Variants in TATDN3 observed in about 807,000 individuals in gnomAD.
TATDN3 encodes the protein TatD DNase domain containing 3, also known as deoxyribonuclease TATDN3.
A neutral mutation model predicts 40.1 loss-of-function variants in TATDN3; 29 were observed. The observed-to-expected ratio is 0.72, with a 90% CI of 0.54 to 0.99. The LOEUF (loss-of-function observed/expected upper bound fraction) is 0.99. TATDN3 is among the 50% of genes least tolerant of loss of function. TATDN3 has a pLI of 0.00. For synonymous variants in TATDN3, 105 were observed against 117.0 expected (o/e 0.90, Z 0.66); for missense variants, 309 against 321.9 (o/e 0.96, Z 0.31).
intron 7 of TATDN3, among the ~76,000 whole-genome samples, chr1:212,805,525 G>T (rs1386261119): frequency 6.6e-6 from 1 of 152,104 alleles, no homozygotes; most frequent in Non-Finnish European, 1.5e-5. Flanking sequence ...CAAAGTGCTG[G>T]GATTACAGGC....
At chr1:212,793,458 C>T (rs1661494589) in intron 1 of TATDN3, among the ~76,000 whole-genome samples, 1 of 152,126 alleles carries the variant, frequency 6.6e-6, no homozygotes, top group Non-Finnish European at 1.5e-5. Flanking sequence ...AAGTGATCAA[C>T]CCTCCTTGGC....
intron 4 of TATDN3, 120 bp downstream of exon 4, chr1:212,797,316 A>T: frequency 1.4e-6 from 1 of 714,100 alleles, no homozygotes; most frequent in Non-Finnish European, 2.3e-6. Flanking sequence ...AGGAAACATT[A>T]CCTTCTTTAA....
chr1:212,796,926 G>T, intron 3 of TATDN3, 186 bp from the exon 4 acceptor site: 1 of 537,500 alleles, frequency 1.9e-6, no homozygotes. Context: ...TGTAGATACA[G>T]GATTTCACCA....
At chr1:212,807,901 A>C (rs1662638097) in intron 8 of TATDN3, 53 bp downstream of exon 8, 1 of 1,253,174 alleles carries the variant, frequency 8.0e-7, no homozygotes, top group South Asian at 1.3e-5. Context: ...AATTTAAAAC[A>C]TGAGCTTTTC....
chr1:212,815,078 A>G lies in TATDN3; in HGVS notation c.747A>G (p.Ser249=), dbSNP rs761842976. The change falls in exon 10 of 10, where the codon TCA becomes TCG. Residue 249 remains serine (S), a synonymous_variant. Coordinates refer to ENST00000366974, the MANE Select transcript of TATDN3 (RefSeq NM_001042552.3). ...ATATTGCCCAGGTGAAAGGGATCTCAGTGGAAGAAGTTATAGAAGTGACGA... is the reference window on the plus strand; with the variant it reads ...ATATTGCCCAGGTGAAAGGGATCTCGGTGGAAGAAGTTATAGAAGTGACGA... ...AEYIAQVKGI[S]VEEVIEVTTQ... 1.9e-6 allele frequency: 3 copies of G among 1,614,140 alleles called. No homozygotes were observed. Among genetic ancestry groups the G allele is most frequent in the South Asian group, 2.2e-5 (2 of 91,080 alleles).
intron 4 of TATDN3, among the ~76,000 whole-genome samples, chr1:212,799,648 G>A (rs183096218): frequency 2.0e-4 from 30 of 151,310 alleles, no homozygotes; most frequent in African/African-American, 4.4e-4. Context: ...AGTGATTCTC[G>A]TGCCTCAGCC....
At position 212,791,946 on chromosome 1, in the gene TATDN3, G is replaced by A; in HGVS notation, c.25G>A (p.Val9Met). ...AATGCGAGCGGCTGGCGTAGGCTTG[G>A]TGGACTGTCACTGCCACCTCTCCGC... The part of the protein sequence containing the change: MRAAGVGL[V>M]DCHCHLSAPD... The change falls in exon 1 of 10, where the codon GTG becomes ATG. Residue 9 changes from valine (V) to methionine (M), a missense_variant. Physicochemically the swap from Val to Met is conservative, Grantham distance 21 (BLOSUM62 1). Coordinates refer to ENST00000366974, the MANE Select transcript of TATDN3 (RefSeq NM_001042552.3). The A allele has an allele frequency of 6.2e-7, 1 of 1,613,882 alleles. No homozygotes were observed. Among genetic ancestry groups the A allele is most frequent in the Non-Finnish European group, 8.5e-7 (1 of 1,179,934 alleles).
At chr1:212,804,451 G>A (rs1342014048) in intron 6 of TATDN3, 22 bp downstream of exon 6, 19 of 1,591,758 alleles carry the variant, frequency 1.2e-5, no homozygotes, top group Non-Finnish European at 1.6e-5. Context: ...ATTTTCCTAT[G>A]TTAATAGCTA....
chr1:212,798,536 C>CAAAA lies in TATDN3; in HGVS notation c.258+1359_258+1362dup, dbSNP rs11296428. Reference sequence around the variant, plus strand: ...ACATGGACGCTATCTCTCAAAAACTCAAAAAAAAAAAAAAAAAAAAAAGAA... The same window carrying CAAAA: ...ACATGGACGCTATCTCTCAAAAACTCAAAAAAAAAAAAAAAAAAAAAAAAAAGAA... On this transcript the variant is annotated intron_variant, in intron 4 of 9. Coordinates refer to ENST00000366974, the MANE Select transcript of TATDN3 (RefSeq NM_001042552.3). Among the ~76,000 whole-genome samples, 790 of 90,478 alleles carry CAAAA rather than the reference C, an allele frequency of 8.7e-3. 1 individual carries two copies. The highest frequency in any genetic ancestry group is 0.017 in the East Asian group (51 of 2,942). The allele number at this position is 90,478 out of a possible 152,430, so 59.4% of individuals were successfully genotyped here.
chr1:212,794,830 T>C, intron 1 of TATDN3: 1 of 594,404 alleles, frequency 1.7e-6, no homozygotes, highest in Non-Finnish European at 3.2e-6. Context: ...CGAATGCTGC[T>C]GAGGAGTAGA....
intron 7 of TATDN3, among the ~76,000 whole-genome samples, chr1:212,805,984 T>G (rs72743909): frequency 1.3e-5 from 2 of 152,140 alleles, no homozygotes; most frequent in African/African-American, 4.8e-5. Context: ...TAAACTAAGT[T>G]GGTTTCATAA....
At chr1:212,798,705 G>A (rs1408216804) in intron 4 of TATDN3, among the ~76,000 whole-genome samples, 1 of 152,132 alleles carries the variant, frequency 6.6e-6, no homozygotes, top group Non-Finnish European at 1.5e-5. Flanking sequence ...TTTATGTGGG[G>A]ATTTATACTA....
chr1:212,813,783 T>C (rs1212239449), intron 9 of TATDN3, among the ~76,000 whole-genome samples: 1 of 152,050 alleles, frequency 6.6e-6, no homozygotes, highest in Admixed American at 6.6e-5. Context: ...CAATCTCAGC[T>C]CACTGCAACT....
chr1:212,814,773 T>G (rs1195956990), intron 9 of TATDN3, among the ~76,000 whole-genome samples: 1 of 152,212 alleles, frequency 6.6e-6, no homozygotes, highest in Non-Finnish European at 1.5e-5. Context: ...CTGCTTCATG[T>G]GCTAGGAGCT....
intron 2 of TATDN3, among the ~76,000 whole-genome samples, chr1:212,795,698 G>T (rs984061267): frequency 1.1e-4 from 16 of 152,176 alleles, no homozygotes; most frequent in Admixed American, 1.0e-3. Flanking sequence ...TAGGCATGCG[G>T]CACTGCTCCC....
At chr1:212,799,391 G>C (rs1225546784) in intron 4 of TATDN3, among the ~76,000 whole-genome samples, 1 of 152,142 alleles carries the variant, frequency 6.6e-6, no homozygotes, top group Non-Finnish European at 1.5e-5. Context: ...AAGTTAGAAG[G>C]CTACAAATGA....
chr1:212,813,878 T>A (rs1351583938), intron 9 of TATDN3, among the ~76,000 whole-genome samples: 2 of 152,070 alleles, frequency 1.3e-5, no homozygotes, highest in East Asian at 3.8e-4. Context: ...GCCCGGCTGA[T>A]TTTTGTATTT....
At chr1:212,794,076 C>G (rs985095480) in intron 1 of TATDN3, among the ~76,000 whole-genome samples, 1 of 151,054 alleles carries the variant, frequency 6.6e-6, no homozygotes. Context: ...GTTAGGAGAT[C>G]GAGACCATCC....
At chr1:212,814,289 A>G (rs1185140906) in intron 9 of TATDN3, among the ~76,000 whole-genome samples, 2 of 152,206 alleles carry the variant, frequency 1.3e-5, no homozygotes, top group African/African-American at 4.8e-5. Flanking sequence ...TTTTTGGGCT[A>G]CATTACCAAA....
Sources: gnomAD v4.1 joint callset for allele counts (sites outside exome capture counted in the v4.1 genomes callset) on GRCh38, gnomAD v4.1.1 for gene constraint, MANE v1.5 for transcripts, NCBI Gene and HGNC (gene_info 2026-07-23, HGNC 2026-07-21) for gene names.